Variants in TEAD4 observed in about 807,000 individuals in gnomAD.
TEAD4 encodes transcriptional enhancer factor TEF-3.
In TEAD4, 36 loss-of-function variants were observed where a neutral mutation model predicts 52.4. The ratio of observed to expected loss-of-function variants is 0.69; its 90% CI spans 0.53 to 0.91. The LOEUF is 0.91. Ranked by LOEUF, TEAD4 falls within the 40% of genes least tolerant of loss-of-function variation. TEAD4 has a pLI of 0.00. For missense variants in TEAD4, 508 were observed against 583.9 expected, an observed-to-expected ratio of 0.87 and a Z score of 1.34; for synonymous variants, 220 against 231.0, an observed-to-expected ratio of 0.95 and a Z score of 0.43.
chr12:2,966,922 G>C (rs2098220901), intron 2 of TEAD4, among the ~76,000 whole-genome samples: 1 of 152,126 alleles, frequency 6.6e-6, no homozygotes, highest in African/African-American at 2.4e-5. Flanking sequence ...GGCCAGGCTG[G>C]TCTTGAACTC....
At chr12:3,001,165 T>C (rs925518948) in intron 3 of TEAD4, among the ~76,000 whole-genome samples, 5 of 152,236 alleles carry the variant, frequency 3.3e-5, no homozygotes, top group African/African-American at 1.2e-4. Flanking sequence ...CATTTTCCTT[T>C]TGTAAAGTGG....
intron 10 of TEAD4, among the ~76,000 whole-genome samples, chr12:3,032,666 G>A (rs535369702): frequency 1.3e-5 from 2 of 152,294 alleles, no homozygotes; most frequent in South Asian, 4.1e-4. Flanking sequence ...GGTACTGAGT[G>A]GGGGGCTGTG....
At chr12:3,036,581 T>C (rs540554598) in intron 10 of TEAD4, among the ~76,000 whole-genome samples, 1 of 152,340 alleles carries the variant, frequency 6.6e-6, no homozygotes, top group South Asian at 2.1e-4. Context: ...GCCTGACGCT[T>C]TACTGCATTC....
At chr12:2,998,340 G>A (rs531893862) in intron 3 of TEAD4, among the ~76,000 whole-genome samples, 5 of 152,170 alleles carry the variant, frequency 3.3e-5, no homozygotes, top group Middle Eastern at 3.4e-3. Context: ...TTAAGAGACC[G>A]TGACCAACCC....
At chr12:3,014,029 C>T (rs1231165895) in intron 5 of TEAD4, among the ~76,000 whole-genome samples, 1 of 152,216 alleles carries the variant, frequency 6.6e-6, no homozygotes, top group East Asian at 1.9e-4. Flanking sequence ...AAGCCACACC[C>T]CACTGCCCAC....
intron 10 of TEAD4, among the ~76,000 whole-genome samples, chr12:3,030,945 ACT>A (rs1037516934): frequency 6.6e-6 from 1 of 151,982 alleles, no homozygotes; most frequent in African/African-American, 2.4e-5. Context: ...TAGTTGGTTA[ACT>A]CTGGCACCCA....
At chr12:2,978,469 G>C (rs1418473636) in intron 2 of TEAD4, among the ~76,000 whole-genome samples, 1 of 151,684 alleles carries the variant, frequency 6.6e-6, no homozygotes, top group Non-Finnish European at 1.5e-5. Context: ...CTGGAGTGCA[G>C]TGGTGCGATC....
chr12:3,020,212 G>A (rs2098267672), intron 8 of TEAD4, among the ~76,000 whole-genome samples: 1 of 152,254 alleles, frequency 6.6e-6, no homozygotes, highest in African/African-American at 2.4e-5. Flanking sequence ...GATGCAAACA[G>A]GAAACGTCCC....
intron 3 of TEAD4, among the ~76,000 whole-genome samples, chr12:2,999,798 C>T (rs1037154832): frequency 6.6e-6 from 1 of 152,222 alleles, no homozygotes; most frequent in Non-Finnish European, 1.5e-5. Flanking sequence ...CTGCCTGCTC[C>T]CCGCCTTCCC....
intron 10 of TEAD4, among the ~76,000 whole-genome samples, chr12:3,036,020 G>A (rs1591602128): frequency 6.6e-6 from 1 of 152,024 alleles, no homozygotes; most frequent in South Asian, 2.1e-4. Flanking sequence ...CTCCCTCCCA[G>A]CATCACAGAT....
chr12:2,974,616 C>T (rs2098227954), intron 2 of TEAD4, among the ~76,000 whole-genome samples: 1 of 152,198 alleles, frequency 6.6e-6, no homozygotes, highest in African/African-American at 2.4e-5. Context: ...CCTAGTGCCC[C>T]ACTGCCTCCA....
intron 2 of TEAD4, among the ~76,000 whole-genome samples, chr12:2,962,346 A>ATATAT (rs1350931012): frequency 5.5e-5 from 7 of 128,056 alleles, no homozygotes; most frequent in Admixed American, 1.8e-4. Context: ...ATATATATAT[A>ATATAT]TTTTTTGAGA....
intron 5 of TEAD4, among the ~76,000 whole-genome samples, chr12:3,013,719 G>A (rs148424256): frequency 0.029 from 4,355 of 152,180 alleles, 195 homozygotes; most frequent in African/African-American, 0.098. Context: ...GGGCAACAGA[G>A]TGAGACTCCA....
chr12:3,014,344 T>G (rs921587008), intron 5 of TEAD4, among the ~76,000 whole-genome samples: 3 of 152,238 alleles, frequency 2.0e-5, no homozygotes, highest in African/African-American at 7.2e-5. Context: ...GTACTTGTCC[T>G]TGTCCACAGG....
intron 2 of TEAD4, among the ~76,000 whole-genome samples, chr12:2,976,645 C>T (rs958730311): frequency 1.6e-4 from 25 of 152,164 alleles, no homozygotes; most frequent in Non-Finnish European, 3.2e-4. Context: ...CAGATACCCA[C>T]GCCCCTGACG....
At chr12:2,969,154 C>T (rs143544323) in intron 2 of TEAD4, among the ~76,000 whole-genome samples, 2 of 152,358 alleles carry the variant, frequency 1.3e-5, no homozygotes, top group East Asian at 1.9e-4. Context: ...CACATGGATT[C>T]GACCCACCCT....
chr12:3,018,474 C>G, intron 6 of TEAD4, 71 bp from the exon 7 acceptor site: 4 of 1,590,978 alleles, frequency 2.5e-6, no homozygotes, highest in Non-Finnish European at 3.4e-6. Flanking sequence ...CCGGTCCTAC[C>G]CCCACCCCCA....
At position 2,965,167 on chromosome 12, in the gene TEAD4, G is replaced by A. The variant is rs547307526; in HGVS notation, c.-30+5127G>A. ...TCTTGGTTAGATTTTGTTTTTTAAT[G>A]ATTTTTTATTTTTTGAGACAGAGAC... is the stretch of plus-strand genomic sequence containing the variant. On this transcript the variant is annotated intron_variant, in intron 2 of 12. Transcript: ENST00000359864. 8.5e-5 allele frequency among the ~76,000 whole-genome samples: 13 copies of A among 152,130 alleles called. No homozygotes were observed. In the South Asian group the frequency reaches 2.7e-3, roughly 32 times the overall value.
rs1294449001 is a variant in TEAD4, at chr12:3,017,394, C to T, written c.355-4C>T. 6.2e-7 allele frequency: 1 copy of T among 1,614,094 alleles called. No individual in the cohort carries two copies. Among genetic ancestry groups the T allele is most frequent in the Non-Finnish European group, 8.5e-7 (1 of 1,180,018 alleles). ...GAGGTCCTCCCTTGCAATGTCTCCC[C>T]CAGGACCAGGCAGCTAAGGACAAGG... On this transcript the variant is annotated splice_polypyrimidine_tract_variant and splice_region_variant and intron_variant, in intron 5 of 12. Coordinates refer to ENST00000359864, the MANE Select transcript of TEAD4 (RefSeq NM_003213.4).
Sources: allele counts gnomAD v4.1 joint callset (sites outside exome capture counted in the v4.1 genomes callset), GRCh38; gene constraint gnomAD v4.1.1; transcripts MANE v1.5; gene names NCBI Gene and HGNC (gene_info 2026-07-23, HGNC 2026-07-21).